FRY: variants seen among roughly 807,000 people sequenced by gnomAD.
FRY encodes the protein FRY microtubule binding protein, also known as protein furry homolog.
FRY carries 128 observed loss-of-function variants against 348.4 expected under a neutral mutation model. The observed-to-expected ratio is 0.37, with a 90% confidence interval of 0.32 to 0.43. The LOEUF (loss-of-function observed/expected upper bound fraction) is 0.43, where lower values mean the gene tolerates loss of function less well. Ranked by LOEUF, FRY falls within the 20% of genes least tolerant of loss-of-function variation. The pLI is 1.00. For missense variants in FRY, 2,736 were observed against 3,695.2 expected, an observed-to-expected ratio of 0.74 and a Z score of 6.73; for synonymous variants, 1,370 against 1,374.7, an observed-to-expected ratio of 1.00 and a Z score of 0.08.
intron 47 of FRY, among the ~76,000 whole-genome samples, chr13:32,244,518 CA>C (rs754706335): frequency 1.9e-4 from 29 of 152,152 alleles, no homozygotes; most frequent in Admixed American, 9.2e-4. Context: ...GGAGAGGGGA[CA>C]AGGAACTGTA....
At chr13:32,052,205 C>G (rs984148473) in intron 1 of FRY, among the ~76,000 whole-genome samples, 1 of 152,194 alleles carries the variant, frequency 6.6e-6, no homozygotes, top group Non-Finnish European at 1.5e-5. Flanking sequence ...CCAGTCTCAC[C>G]TGGCCTGATA....
At chr13:32,193,967 T>G (rs1465183710) in intron 28 of FRY, among the ~76,000 whole-genome samples, 176 bp from the exon 29 acceptor site, 3 of 152,168 alleles carry the variant, frequency 2.0e-5, no homozygotes, top group Non-Finnish European at 4.4e-5. Flanking sequence ...TGTATACATT[T>G]CAGTTTTCAG....
intron 31 of FRY, among the ~76,000 whole-genome samples, chr13:32,205,900 T>A (rs557749446): frequency 6.6e-6 from 1 of 151,738 alleles, no homozygotes; most frequent in South Asian, 2.1e-4. Flanking sequence ...GACAGCCCAA[T>A]GAGACTGGAG....
chr13:32,125,591 G>A (rs1205511176), intron 7 of FRY, among the ~76,000 whole-genome samples: 2 of 152,144 alleles, frequency 1.3e-5, no homozygotes, highest in African/African-American at 2.4e-5. Flanking sequence ...TCCAATCCTT[G>A]TGAAATGCAA....
chr13:32,274,759 GA>G, intron 55 of FRY, 82 bp from the exon 56 acceptor site: 1 of 586,030 alleles, frequency 1.7e-6, no homozygotes, highest in South Asian at 2.2e-5. Flanking sequence ...TATAAAAAAA[GA>G]AGCTACCCCT....
At chr13:32,274,727 A>T in intron 55 of FRY, 115 bp from the exon 56 acceptor site, 1 of 638,172 alleles carries the variant, frequency 1.6e-6, no homozygotes, top group Non-Finnish European at 2.7e-6. Context: ...AAAAAAAAAA[A>T]AATCAGTTAA....
At chr13:32,278,313 C>A (rs1332414047) in intron 57 of FRY, 152 bp from the exon 58 acceptor site, 9 of 645,202 alleles carry the variant, frequency 1.4e-5, no homozygotes, top group Non-Finnish European at 2.3e-5. Context: ...ATCTTTAACC[C>A]CCAAATACGA....
intron 22 of FRY, 38 bp downstream of exon 22, chr13:32,179,071 T>G (rs1566114028): frequency 6.7e-7 from 1 of 1,483,342 alleles, no homozygotes; most frequent in Admixed American, 1.7e-5. Context: ...TTCTGTAAGG[T>G]TTTTTTTTAG....
intron 3 of FRY, among the ~76,000 whole-genome samples, chr13:32,103,235 G>A (rs379096): frequency 0.92 from 140,128 of 152,260 alleles, 65,121 homozygotes; most frequent in Non-Finnish European, 0.99. Flanking sequence ...TTGTGCCATG[G>A]CACTATCTTC....
At chr13:32,218,462 C>T (rs1316505932) in intron 35 of FRY, among the ~76,000 whole-genome samples, 1 of 152,094 alleles carries the variant, frequency 6.6e-6, no homozygotes, top group Non-Finnish European at 1.5e-5. Flanking sequence ...GGGCGGATCA[C>T]GAGGTCAGGA....
intron 2 of FRY, among the ~76,000 whole-genome samples, chr13:32,097,592 A>ATTTCTATCACATTACGTAAATTT (rs1566069080): frequency 2.6e-5 from 4 of 151,822 alleles, no homozygotes; most frequent in African/African-American, 9.7e-5. Flanking sequence ...AATTCCCAAC[A>ATTTCTATCACATTACGTAAATTT]TCAGGTGATC....
chr13:32,188,163 T>A (rs1883132480), intron 28 of FRY, among the ~76,000 whole-genome samples: 1 of 152,116 alleles, frequency 6.6e-6, no homozygotes, highest in Non-Finnish European at 1.5e-5. Context: ...GAGAATAGAA[T>A]TAAAAGATAA....
rs578012883 is a variant in FRY, at chr13:32,092,475, C to T, written c.271-9488C>T. ...ATTGTTTGAAAATTAAGGTAGAGGG[C>T]GATGGCTTTCCTCGGCCCTTCTTAG... is the stretch of plus-strand genomic sequence containing the variant. On this transcript the variant is annotated intron_variant, in intron 2 of 60. Transcript: ENST00000542859. Among the ~76,000 whole-genome samples the T allele has an allele frequency of 1.8e-4, 28 of 152,222 alleles. No individual in the cohort carries two copies. In the South Asian group the frequency reaches 3.9e-3, roughly 21 times the overall value.
chr13:32,160,813 T>A (rs1881399060), intron 16 of FRY, among the ~76,000 whole-genome samples: 1 of 22,672 alleles, frequency 4.4e-5, no homozygotes, highest in African/African-American at 2.0e-4. Context: ...ATACATTTCT[T>A]CATGTGGATG....
chr13:32,145,526 GTT>G (rs59585678), intron 11 of FRY, among the ~76,000 whole-genome samples: 13,728 of 90,988 alleles, frequency 0.15, 901 homozygotes, highest in African/African-American at 0.25. Context: ...TGACTGATTT[GTT>G]TTTTTTTTTT....
In FRY at chr13:32,298,100, C is replaced by T. The variant is rs972692754; in HGVS notation, c.*2640C>T. ...TCGGTGAGATGTTAAGAAAATGTGC[C>T]GATGTTACTGTGAAATAAAGATGCC... On this transcript the variant is annotated 3_prime_UTR_variant, in exon 61 of 61. Transcript: ENST00000542859. 6.6e-6 allele frequency: 1 copy of T among 152,050 alleles called. No homozygotes were observed. The highest frequency in any genetic ancestry group is 1.5e-5 in the Non-Finnish European group (1 of 68,012). 9.4% of individuals were successfully genotyped at this position (152,050 alleles called of 1,614,324 possible). A position where few individuals can be genotyped will look rare whatever the true frequency, so the allele number is the denominator to read the frequency against.
chr13:32,239,155 C>T lies in FRY; in HGVS notation c.6419-97C>T. 3 of 819,814 alleles carry T rather than the reference C, an allele frequency of 3.7e-6. No homozygotes were observed. Among genetic ancestry groups the T allele is most frequent in the Admixed American group, 1.7e-5 (1 of 58,292 alleles). The allele number at this position is 819,814 out of a possible 1,614,324, so 50.8% of individuals were successfully genotyped here. ...AAGCTGATTCAAAAAACTGCTTTTGCATCACCTCAGTATAAAAATCTGTAA... is the reference window on the plus strand; with the variant it reads ...AAGCTGATTCAAAAAACTGCTTTTGTATCACCTCAGTATAAAAATCTGTAA... On this transcript the variant is annotated intron_variant, in intron 44 of 60. Coordinates refer to ENST00000542859, the MANE Select transcript of FRY (RefSeq NM_023037.3). This position sits in a 1 kb window ranked among gnomAD's most constrained non-coding sequence, Gnocchi z 4.3.
chr13:32,161,383 A>G (rs1032940056), intron 17 of FRY, 132 bp downstream of exon 17: 3 of 699,296 alleles, frequency 4.3e-6, no homozygotes, highest in Non-Finnish European at 7.6e-6. Context: ...AGGAAAAAAC[A>G]AATTTTTAAA....
At position 32,249,602 on chromosome 13, in the gene FRY, T is replaced by A; in HGVS notation, c.7085T>A (p.Val2362Asp). The A allele has an allele frequency of 6.2e-7, 1 of 1,614,196 alleles. No homozygotes were observed. The highest frequency in any genetic ancestry group is 8.5e-7 in the Non-Finnish European group (1 of 1,180,026). Residue 2362 changes from valine to aspartate, a missense_variant, in exon 49 of 61, where the codon GTC (valine) becomes GAC (aspartate). Val to Asp is a radical substitution (Grantham distance 152). This residue lies in a region of FRY where 789 missense variants were observed against 996.2 expected (regional missense o/e 0.79). Transcript: ENST00000542859. ...GATGGGAAGCCCAGGGCCATGGCCG[T>A]CACCCGGAGCACATCTTCCACTTCC... ...GRDGKPRAMA[V>D]TRSTSSTSSG...
Sources: allele counts gnomAD v4.1 joint callset (sites outside exome capture counted in the v4.1 genomes callset), GRCh38; gene constraint gnomAD v4.1.1; regional missense constraint gnomAD v4.1.1; non-coding constraint Gnocchi (gnomAD v3.1); transcripts MANE v1.5; gene names NCBI Gene and HGNC (gene_info 2026-07-23, HGNC 2026-07-21).